Variants in BICD1 observed in about 807,000 individuals in gnomAD.
The protein encoded by BICD1 is protein bicaudal D homolog 1.
A neutral mutation model predicts 92.5 loss-of-function variants in BICD1; 35 were observed. The ratio of observed to expected loss-of-function variants is 0.38; its 90% CI spans 0.29 to 0.50. BICD1 has a LOEUF of 0.50. Among genes scored for constraint, BICD1 ranks in the 20% least tolerant of loss-of-function variants. The pLI, the probability that BICD1 is intolerant of heterozygous loss-of-function variation, is 0.93. For missense variants in BICD1, 950 were observed against 1,189.8 expected, an observed-to-expected ratio of 0.80 and a Z score of 2.97; for synonymous variants, 429 against 465.1, an observed-to-expected ratio of 0.92 and a Z score of 1.00.
At chr12:32,172,295 A>G (rs1398245282) in intron 1 of BICD1, among the ~76,000 whole-genome samples, 5 of 152,198 alleles carry the variant, frequency 3.3e-5, no homozygotes, top group Non-Finnish European at 5.9e-5. Context: ...CTAGTTATAT[A>G]GAGATGAAAA....
intron 1 of BICD1, among the ~76,000 whole-genome samples, chr12:32,171,594 T>C (rs1465745209): frequency 1.3e-5 from 2 of 152,126 alleles, no homozygotes; most frequent in Non-Finnish European, 2.9e-5. Context: ...GAGATGGCAA[T>C]ATGAGTGCTT....
At chr12:32,197,508 A>G (rs1355564690) in intron 1 of BICD1, among the ~76,000 whole-genome samples, 1 of 152,232 alleles carries the variant, frequency 6.6e-6, no homozygotes, top group Non-Finnish European at 1.5e-5. Context: ...GGAAACCAAA[A>G]GTCTTAATAT....
At chr12:32,373,698 C>A (rs556206280) in intron 9 of BICD1, among the ~76,000 whole-genome samples, 2 of 146,364 alleles carry the variant, frequency 1.4e-5, no homozygotes, top group Admixed American at 6.9e-5. Flanking sequence ...CAGTGAAACC[C>A]CGTCTCTACT....
At chr12:32,203,548 G>A (rs1484844143) in intron 1 of BICD1, among the ~76,000 whole-genome samples, 2 of 152,126 alleles carry the variant, frequency 1.3e-5, no homozygotes, top group Non-Finnish European at 2.9e-5. Context: ...TGGCCAACCC[G>A]GAGACTGATT....
At chr12:32,118,167 C>T (rs528114519) in intron 1 of BICD1, among the ~76,000 whole-genome samples, 82 of 151,890 alleles carry the variant, frequency 5.4e-4, no homozygotes, top group Admixed American at 9.9e-4. Flanking sequence ...CTGCAAGCTC[C>T]GCTTCCCTGG....
intron 1 of BICD1, among the ~76,000 whole-genome samples, chr12:32,186,388 T>G (rs1344623227): frequency 6.6e-6 from 1 of 152,204 alleles, no homozygotes; most frequent in Non-Finnish European, 1.5e-5. Context: ...TGGTCACATG[T>G]GGGTAGTGGC....
Position 32,334,662 on chromosome 12 carries a change from A to T in BICD1, c.2247A>T (p.Ala749=), listed in dbSNP as rs1226394903. Residue 749 remains alanine, a synonymous_variant, in exon 6 of 10, where the codon GCA becomes GCT. Transcript: ENST00000652176. ...TCTCATCCCTGAGAGCAATGTTTGC[A>T]ACAAGGTAACAGTATTTTCTTCCTA... The part of the protein sequence containing the change: ...ATFSSLRAMF[A]TRCDEYVTQL... The T allele has an allele frequency of 6.2e-7, 1 of 1,609,232 alleles. No homozygotes were observed. The highest frequency in any genetic ancestry group is 2.2e-5 in the East Asian group (1 of 44,686).
chr12:32,225,424 G>C (rs1945648306), intron 2 of BICD1, among the ~76,000 whole-genome samples: 1 of 152,086 alleles, frequency 6.6e-6, no homozygotes, highest in African/African-American at 2.4e-5. Flanking sequence ...AAGCATTCAT[G>C]TACACTTACG....
At position 32,337,273 on chromosome 12, in the gene BICD1, A is replaced by C. The variant is rs1938170696; in HGVS notation, c.2253-226A>C. ...AAAAACAAATAAACAAAACAACAAC[A>C]ACAAAATAATAATAAATTTTTTAAA... On this transcript the variant is annotated intron_variant, in intron 6 of 9. Coordinates refer to ENST00000652176, the MANE Select transcript of BICD1 (RefSeq NM_001714.4). The surrounding 1 kb of genome is among the most constrained non-coding windows in gnomAD (Gnocchi z 4.7). Among the ~76,000 whole-genome samples, 1 of 152,130 alleles carries C rather than the reference A, an allele frequency of 6.6e-6. No individual in the cohort carries two copies. The highest frequency in any genetic ancestry group is 2.4e-5 in the African/African-American group (1 of 41,428).
chr12:32,114,619 G>GAC (rs1308848136), intron 1 of BICD1, among the ~76,000 whole-genome samples: 1 of 152,080 alleles, frequency 6.6e-6, no homozygotes, highest in Non-Finnish European at 1.5e-5. Context: ...TTGAGCTAAG[G>GAC]ACAGTCCGCC....
chr12:32,250,917 G>C (rs997677280), intron 2 of BICD1, among the ~76,000 whole-genome samples: 1 of 152,100 alleles, frequency 6.6e-6, no homozygotes, highest in Admixed American at 6.6e-5. Context: ...CAAGGAGGTC[G>C]AGGCTGCGGT....
chr12:32,309,777 AT>A (rs200097575), intron 4 of BICD1, among the ~76,000 whole-genome samples: 23 of 151,276 alleles, frequency 1.5e-4, no homozygotes, highest in East Asian at 5.8e-4. Flanking sequence ...TTGTATTTTC[AT>A]TTTTTTTTAT....
intron 2 of BICD1, among the ~76,000 whole-genome samples, chr12:32,242,036 C>CAAAA (rs1274643691): frequency 2.7e-5 from 4 of 146,620 alleles, no homozygotes; most frequent in African/African-American, 1.0e-4. Context: ...CTCTCCAAAA[C>CAAAA]AAACAAACAA....
At chr12:32,126,412 C>T (rs1262130604) in intron 1 of BICD1, among the ~76,000 whole-genome samples, 2 of 151,802 alleles carry the variant, frequency 1.3e-5, no homozygotes, top group African/African-American at 4.8e-5. Flanking sequence ...TGAAGACACT[C>T]GCTATCATGG....
At chr12:32,232,579 G>A (rs1945924760) in intron 2 of BICD1, among the ~76,000 whole-genome samples, 1 of 150,338 alleles carries the variant, frequency 6.7e-6, no homozygotes, top group Non-Finnish European at 1.5e-5. Flanking sequence ...CTGTGCAGAA[G>A]CTCTTTAGTT....
At chr12:32,330,605 AAAAAG>A (rs1244396849) in intron 5 of BICD1, among the ~76,000 whole-genome samples, 1 of 151,168 alleles carries the variant, frequency 6.6e-6, no homozygotes, top group African/African-American at 2.4e-5. Context: ...AATAAAATAA[AAAAAG>A]AAAAGATTAG....
At chr12:32,293,895 T>G in intron 2 of BICD1, 99 bp from the exon 3 acceptor site, 4 of 1,219,388 alleles carry the variant, frequency 3.3e-6, no homozygotes, top group Non-Finnish European at 4.5e-6. Context: ...TTACACCCCA[T>G]GAGGTGTTTT....
intron 2 of BICD1, among the ~76,000 whole-genome samples, chr12:32,236,895 T>TC (rs1946088644): frequency 6.8e-6 from 1 of 147,766 alleles, no homozygotes; most frequent in African/African-American, 2.6e-5. Context: ...TTTTTTTTTT[T>TC]TCAGAGTCTT....
intron 2 of BICD1, among the ~76,000 whole-genome samples, chr12:32,274,280 CTG>C: frequency 6.6e-6 from 1 of 152,282 alleles, no homozygotes; most frequent in African/African-American, 2.4e-5. Flanking sequence ...ACCTCGAAGT[CTG>C]TAACTTTAAT....
Sources: gnomAD v4.1 joint callset for allele counts (sites outside exome capture counted in the v4.1 genomes callset) on GRCh38, gnomAD v4.1.1 for gene constraint, Gnocchi (gnomAD v3.1) non-coding constraint, MANE v1.5 for transcripts, NCBI Gene and HGNC (gene_info 2026-07-23, HGNC 2026-07-21) for gene names.